The following ASRGL1 variants were observed in gnomAD, a reference collection of about 807,000 sequenced individuals.
ASRGL1 encodes the protein isoaspartyl peptidase/L-asparaginase.
ASRGL1 carries 16 observed loss-of-function variants against 22.4 expected under a neutral mutation model. That is an observed-to-expected ratio of 0.71 (90% CI 0.48 to 1.08). The LOEUF (loss-of-function observed/expected upper bound fraction) is 1.08. Among genes scored for constraint, ASRGL1 ranks in the 50% least tolerant of loss-of-function variants. ASRGL1 has a pLI of 0.00. For synonymous variants in ASRGL1, 165 were observed against 159.3 expected (o/e 1.04, Z -0.27); for missense variants, 412 against 410.1 (o/e 1.00, Z -0.04).
intron 4 of ASRGL1, among the ~76,000 whole-genome samples, chr11:62,359,253 C>A (rs541504498): frequency 2.6e-5 from 4 of 152,118 alleles, no homozygotes; most frequent in South Asian, 2.1e-4. Flanking sequence ...TCAAGACCAG[C>A]CTGACTAACA....
chr11:62,342,587 T>C (rs907192227), intron 2 of ASRGL1, among the ~76,000 whole-genome samples: 3 of 151,610 alleles, frequency 2.0e-5, no homozygotes, highest in African/African-American at 7.3e-5. Flanking sequence ...CAAAATGCTG[T>C]CTCTGCTAAA....
At chr11:62,354,507 C>T (rs1946233392) in intron 2 of ASRGL1, among the ~76,000 whole-genome samples, 1 of 152,284 alleles carries the variant, frequency 6.6e-6, no homozygotes, top group Middle Eastern at 3.4e-3. Context: ...GCCAGCATCA[C>T]TACTCTTGTG....
chr11:62,357,318 C>A, intron 4 of ASRGL1, 174 bp downstream of exon 4: 1 of 698,076 alleles, frequency 1.4e-6, no homozygotes, highest in Non-Finnish European at 2.2e-6. Context: ...GGTGCGATCT[C>A]GGCTCACTGC....
chr11:62,349,757 A>G (rs1420296208), intron 2 of ASRGL1, among the ~76,000 whole-genome samples: 1 of 152,198 alleles, frequency 6.6e-6, no homozygotes, highest in Non-Finnish European at 1.5e-5. Flanking sequence ...TAAAGGAATA[A>G]AGCATGGCTA....
At chr11:62,399,352 T>G in the ASRGL1 span, among the ~76,000 whole-genome samples, 1 of 152,196 alleles carries the variant, frequency 6.6e-6, no homozygotes, top group East Asian at 1.9e-4. Flanking sequence ...GAGTTCTCAC[T>G]TGGACTCGTG....
intron 4 of ASRGL1, among the ~76,000 whole-genome samples, chr11:62,357,897 T>G (rs1291907615): frequency 6.6e-6 from 1 of 152,206 alleles, no homozygotes; most frequent in East Asian, 1.9e-4. Context: ...GTAATGATAT[T>G]TAATCAGAGG....
At chr11:62,352,276 A>C (rs1590713425) in intron 2 of ASRGL1, among the ~76,000 whole-genome samples, 1 of 152,124 alleles carries the variant, frequency 6.6e-6, no homozygotes, top group Admixed American at 6.5e-5. Context: ...GATAGTAACC[A>C]CCTACAAGCC....
intron 6 of ASRGL1, chr11:62,391,867 A>G (rs923919432): frequency 1.4e-6 from 1 of 738,396 alleles, no homozygotes. Flanking sequence ...AGAGACATTG[A>G]GCCTGGATGT....
chr11:62,390,881 A>T (rs1013232166), intron 5 of ASRGL1, among the ~76,000 whole-genome samples: 2 of 152,178 alleles, frequency 1.3e-5, no homozygotes, highest in African/African-American at 4.8e-5. Flanking sequence ...AAGGACTCTG[A>T]GGCTGGTAGC....
chr11:62,352,144 A>G (rs1444531280), intron 2 of ASRGL1, among the ~76,000 whole-genome samples: 1 of 152,216 alleles, frequency 6.6e-6, no homozygotes, highest in Admixed American at 6.5e-5. Flanking sequence ...AATTAAAATT[A>G]AGTGAGGTCA....
intron 4 of ASRGL1, among the ~76,000 whole-genome samples, chr11:62,368,426 A>G (rs1344416537): frequency 6.6e-6 from 1 of 152,168 alleles, no homozygotes; most frequent in Non-Finnish European, 1.5e-5. Context: ...ACAGATACAC[A>G]GGTGTATAAT....
intron 4 of ASRGL1, among the ~76,000 whole-genome samples, chr11:62,375,538 T>A (rs114749742): frequency 7.4e-5 from 10 of 135,658 alleles, no homozygotes; most frequent in Non-Finnish European, 1.4e-4. Context: ...AAAATAAAAA[T>A]AAAAAATAAA....
intron 4 of ASRGL1, among the ~76,000 whole-genome samples, chr11:62,373,964 G>A (rs1946846636): frequency 6.6e-6 from 1 of 152,174 alleles, no homozygotes; most frequent in South Asian, 2.1e-4. Flanking sequence ...GCGGAGCCAG[G>A]GCTGAGCCTT....
At chr11:62,362,800 T>A (rs1946507879) in intron 4 of ASRGL1, among the ~76,000 whole-genome samples, 1 of 54,974 alleles carries the variant, frequency 1.8e-5, no homozygotes, top group South Asian at 7.6e-4. Flanking sequence ...AGTATCTACT[T>A]GCTTATCTGA....
chr11:62,338,622 A>G (rs1270722578), intron 2 of ASRGL1, among the ~76,000 whole-genome samples: 1 of 152,140 alleles, frequency 6.6e-6, no homozygotes, highest in Admixed American at 6.5e-5. Flanking sequence ...TTATATAAGG[A>G]CTTGTGGCTG....
In ASRGL1 at chr11:62,371,578, C is replaced by G. The variant is rs1332516596; in HGVS notation, c.491+14434C>G. 4.3e-6 allele frequency: 3 copies of G among 689,926 alleles called. No homozygotes were observed. The East Asian group carries it at 9.8e-5, about 22-fold the overall frequency. The allele number at this position is 689,926 out of a possible 1,614,324, so 42.7% of individuals were successfully genotyped here. A position where few individuals can be genotyped will look rare whatever the true frequency, so the allele number is the denominator to read the frequency against. On this transcript the variant is annotated intron_variant, in intron 4 of 6. Transcript: ENST00000415229. ...AGGGACACAATACACTGCGGAAGGCCACAGGGACTTCCTCACAAAGTGCAA... is the reference window on the plus strand; with the variant it reads ...AGGGACACAATACACTGCGGAAGGCGACAGGGACTTCCTCACAAAGTGCAA...
At chr11:62,389,307 C>G (rs1258251762) in intron 5 of ASRGL1, 56 bp downstream of exon 5, 1 of 1,466,360 alleles carries the variant, frequency 6.8e-7, no homozygotes, top group Admixed American at 1.7e-5. Flanking sequence ...CTCAGGCTTT[C>G]CTCACTCTCT....
Position 62,350,216 on chromosome 11 carries a change from T to C in ASRGL1, c.191-6109T>C, listed in dbSNP as rs561395263. Among the ~76,000 whole-genome samples, 3 of 152,326 alleles carry C rather than the reference T, an allele frequency of 2.0e-5. No individual in the cohort carries two copies. In the South Asian group the frequency reaches 6.2e-4, roughly 32 times the overall value. ...TATGTGACCTTCTGGAAATGGCTTT[T>C]CTCATTCAGCATTTTTGCCCCTGAG... On this transcript the variant is annotated intron_variant, in intron 2 of 6. Transcript: ENST00000415229.
At chr11:62,390,046 T>G (rs1947304210) in intron 5 of ASRGL1, among the ~76,000 whole-genome samples, 2 of 152,062 alleles carry the variant, frequency 1.3e-5, no homozygotes, top group South Asian at 4.1e-4. Context: ...TTAAAAAGAG[T>G]AGAGGCTTGG....
Sources: gnomAD v4.1 joint callset for allele counts (sites outside exome capture counted in the v4.1 genomes callset) on GRCh38, gnomAD v4.1.1 for gene constraint, MANE v1.5 for transcripts, NCBI Gene and HGNC (gene_info 2026-07-23, HGNC 2026-07-21) for gene names.